The following PUM1 variants were observed in gnomAD, a reference collection of about 807,000 sequenced individuals.
PUM1 encodes pumilio RNA binding family member 1.
Under a neutral mutation model 131.8 loss-of-function variants are expected in PUM1, and 13 were observed. That is an observed-to-expected ratio of 0.10 (90% CI 0.06 to 0.16). The LOEUF is 0.16. PUM1 is among the 10% of genes least tolerant of loss of function. The pLI, the probability that PUM1 is intolerant of heterozygous loss-of-function variation, is 1.00. For synonymous variants in PUM1, 509 were observed against 556.5 expected, an observed-to-expected ratio of 0.91 and a Z score of 1.20; for missense variants, 961 against 1,512.4, an observed-to-expected ratio of 0.64 and a Z score of 6.05.
chr1:30,936,607 C>T lies in PUM1; in HGVS notation c.3435+36G>A, dbSNP rs1438740808. ...TTTCAGAAAGGAAGCCAAGGCCTTGCACACTTTCTCTGAGACCCTGCCCAG... is the reference window on the plus strand; with the variant it reads ...TTTCAGAAAGGAAGCCAAGGCCTTGTACACTTTCTCTGAGACCCTGCCCAG... On this transcript the variant is annotated intron_variant, in intron 21 of 21. Coordinates refer to ENST00000426105, the MANE Select transcript of PUM1 (RefSeq NM_001020658.2). The T allele has an allele frequency of 3.8e-6, 6 of 1,579,956 alleles. No homozygotes were observed. The East Asian group carries it at 9.0e-5, about 24-fold the overall frequency.
intron 3 of PUM1, among the ~76,000 whole-genome samples, chr1:31,013,108 T>TA (rs371467574): frequency 5.8e-4 from 89 of 152,332 alleles, no homozygotes; most frequent in Non-Finnish European, 9.4e-4. Flanking sequence ...GAAATGCTCC[T>TA]ATGTCAAACT....
intron 16 of PUM1, 120 bp downstream of exon 16, chr1:30,952,114 A>G: frequency 1.1e-6 from 1 of 932,144 alleles, no homozygotes; most frequent in Non-Finnish European, 1.7e-6. Context: ...CTCTTCAAAA[A>G]GACCACACAC....
At chr1:30,965,020 G>T in intron 13 of PUM1, 110 bp from the exon 14 acceptor site, 3 of 824,682 alleles carry the variant, frequency 3.6e-6, no homozygotes, top group Middle Eastern at 3.5e-4. Flanking sequence ...CCGCAAATTT[G>T]TCAGCAGAGA....
At chr1:31,039,334 TG>T (rs1349170691) in intron 2 of PUM1, among the ~76,000 whole-genome samples, 1 of 151,752 alleles carries the variant, frequency 6.6e-6, no homozygotes, top group Non-Finnish European at 1.5e-5. Context: ...GCCATTCTCC[TG>T]CCTCAGCCTC....
rs1350534123 is a variant in PUM1, at chr1:30,967,244, G to A, written c.1712C>T (p.Ala571Val). 10 of 1,613,884 alleles carry A rather than the reference G, an allele frequency of 6.2e-6. No homozygotes were observed. The highest frequency in any genetic ancestry group is 8.5e-6 in the Non-Finnish European group (10 of 1,179,966). The change falls in exon 12 of 22, where the codon GCG (alanine) becomes GTG (valine). Residue 571 changes from alanine to valine, a missense_variant. Coordinates refer to ENST00000426105, the MANE Select transcript of PUM1 (RefSeq NM_001020658.2). ...AACAGGAGCTCCAAGACCATTTCTC[G>A]CGCCTGCATTCACTACAAGGGCACC... ...QTGALVVNAG[A>V]RNGLGAPVRL...
intron 6 of PUM1, among the ~76,000 whole-genome samples, chr1:30,993,787 C>T (rs1164646960): frequency 6.6e-6 from 1 of 152,106 alleles, no homozygotes; most frequent in Non-Finnish European, 1.5e-5. Context: ...GATTGTAATT[C>T]AGGCCGGGCA....
intron 14 of PUM1, among the ~76,000 whole-genome samples, chr1:30,955,091 A>G (rs1196282606): frequency 1.3e-5 from 2 of 150,116 alleles, no homozygotes; most frequent in Admixed American, 6.7e-5. Context: ...ACAAACAAAC[A>G]AAAAAAAACA....
At chr1:30,950,790 G>A (rs1051142329) in intron 16 of PUM1, among the ~76,000 whole-genome samples, 2 of 152,184 alleles carry the variant, frequency 1.3e-5, no homozygotes, top group Admixed American at 1.3e-4. Context: ...GAACCCAGGC[G>A]GCAGAGGTTA....
At chr1:30,935,679 G>A in intron 21 of PUM1, 1 of 384,872 alleles carries the variant, frequency 2.6e-6, no homozygotes, top group Non-Finnish European at 5.0e-6. Context: ...AGGGGTGGTG[G>A]GTGTCTTGTC....
chr1:30,933,477 CA>C (rs1639055203), intron 21 of PUM1, 135 bp from the exon 22 acceptor site: 28 of 856,342 alleles, frequency 3.3e-5, no homozygotes, highest in Middle Eastern at 3.4e-4. Context: ...CACACACACA[CA>C]CACACACCCC....
intron 5 of PUM1, among the ~76,000 whole-genome samples, chr1:31,003,668 A>G (rs1642298236): frequency 6.6e-6 from 1 of 152,092 alleles, no homozygotes. Flanking sequence ...AAGGCAGGAG[A>G]ATCGTTTGAA....
chr1:31,003,173 G>A (rs939052838), intron 5 of PUM1, among the ~76,000 whole-genome samples: 1 of 152,116 alleles, frequency 6.6e-6, no homozygotes, highest in African/African-American at 2.4e-5. Context: ...GTAAAAATAC[G>A]TGGATGCCCT....
intron 14 of PUM1, among the ~76,000 whole-genome samples, chr1:30,956,035 A>C (rs999798837): frequency 6.6e-6 from 1 of 152,218 alleles, no homozygotes; most frequent in Non-Finnish European, 1.5e-5. Context: ...TACAAAACCC[A>C]AAATTGTCAT....
chr1:31,033,905 G>A (rs1302261194), intron 2 of PUM1, among the ~76,000 whole-genome samples: 1 of 152,098 alleles, frequency 6.6e-6, no homozygotes, highest in Non-Finnish European at 1.5e-5. Flanking sequence ...CTTCTAAAGT[G>A]CTGGGATTAC....
chr1:31,065,456 G>A (rs1644463035), intron 1 of PUM1, among the ~76,000 whole-genome samples, 160 bp downstream of exon 1: 1 of 149,534 alleles, frequency 6.7e-6, no homozygotes, highest in African/African-American at 2.5e-5. Flanking sequence ...TCCAAAACAT[G>A]TACGAGGAAC....
At chr1:30,939,018 C>T (rs1293947258) in intron 20 of PUM1, among the ~76,000 whole-genome samples, 1 of 152,172 alleles carries the variant, frequency 6.6e-6, no homozygotes, top group African/African-American at 2.4e-5. Context: ...TCATTCACTA[C>T]AGCATATTTT....
chr1:31,029,913 CAAAAAAAAAAA>C (rs10592751), intron 2 of PUM1, among the ~76,000 whole-genome samples: 1 of 120,036 alleles, frequency 8.3e-6, no homozygotes, highest in Admixed American at 9.1e-5. Context: ...GATCCTTTTT[CAAAAAAAAAAA>C]AAAAAAAAAG....
At position 30,974,714 on chromosome 1, in the gene PUM1, G is replaced by A. The variant is rs764736867; in HGVS notation, c.1443C>T (p.Ala481=). The A allele has an allele frequency of 5.2e-5, 84 of 1,611,150 alleles. No homozygotes were observed. Among genetic ancestry groups the A allele is most frequent in the African/African-American group, 3.2e-4 (24 of 74,976 alleles). Residue 481 remains alanine, a synonymous_variant, in exon 10 of 22, where the codon GCC becomes GCT. Transcript: ENST00000426105. The part of the protein sequence containing the change: ...ASLFQQQAAA[A]AAATNSANQQ... ...GATTAGCTGAATTAGTTGCTGCAGC[G>A]GCAGCGGCAGCTTGCTGCTGGAAAA...
chr1:31,036,085 T>G (rs542815111), intron 2 of PUM1, among the ~76,000 whole-genome samples: 105 of 152,218 alleles, frequency 6.9e-4, no homozygotes, highest in East Asian at 3.9e-3. Flanking sequence ...AAGTTTGTTT[T>G]TTTTTTTTTA....
Sources: allele counts gnomAD v4.1 joint callset (sites outside exome capture counted in the v4.1 genomes callset), GRCh38; gene constraint gnomAD v4.1.1; transcripts MANE v1.5; gene names NCBI Gene and HGNC (gene_info 2026-07-23, HGNC 2026-07-21).